The following CEP97 variants were observed in gnomAD, a reference collection of about 807,000 sequenced individuals.
The protein encoded by CEP97 is centrosomal protein 97.
Under a neutral mutation model 73.1 loss-of-function variants are expected in CEP97, and 43 were observed. The observed-to-expected ratio is 0.59, with a 90% CI of 0.46 to 0.76. The LOEUF (loss-of-function observed/expected upper bound fraction) is 0.76. CEP97 is among the 30% of genes least tolerant of loss of function. The pLI is 0.00. For missense variants in CEP97, 939 were observed against 1,014.0 expected (o/e 0.93, Z 1.00); for synonymous variants, 337 against 370.0 (o/e 0.91, Z 1.02).
chr3:101,740,882 C>T (rs1372747626), intron 6 of CEP97, among the ~76,000 whole-genome samples: 3 of 152,224 alleles, frequency 2.0e-5, no homozygotes, highest in Non-Finnish European at 4.4e-5. Flanking sequence ...AGCCAGCGCA[C>T]CCGGTCCCAT....
chr3:101,744,178 G>A, intron 6 of CEP97, among the ~76,000 whole-genome samples: 1 of 151,948 alleles, frequency 6.6e-6, no homozygotes, highest in East Asian at 1.9e-4. Flanking sequence ...CATGTATACT[G>A]TATAGAAATA....
At chr3:101,729,017 C>G (rs1000646427) in intron 4 of CEP97, 80 bp downstream of exon 4, 1 of 821,812 alleles carries the variant, frequency 1.2e-6, no homozygotes, top group Non-Finnish European at 2.1e-6. Flanking sequence ...CTAAAATTAG[C>G]CTGCTTTGTA....
intron 9 of CEP97, among the ~76,000 whole-genome samples, chr3:101,759,780 T>C (rs899331646): frequency 2.6e-5 from 4 of 151,874 alleles, no homozygotes; most frequent in African/African-American, 9.7e-5. Context: ...TTCAGTGGTG[T>C]AGAGGGATGA....
chr3:101,730,281 GT>G (rs1553787390), intron 4 of CEP97, among the ~76,000 whole-genome samples: 1 of 140,310 alleles, frequency 7.1e-6, no homozygotes, highest in African/African-American at 2.7e-5. Context: ...GTTTTGTTTT[GT>G]TGAGACGGAG....
chr3:101,744,343 G>A (rs1272783501), intron 6 of CEP97, among the ~76,000 whole-genome samples: 1 of 152,078 alleles, frequency 6.6e-6, no homozygotes, highest in Non-Finnish European at 1.5e-5. Context: ...TAGCACTTTG[G>A]GAGGCCAAGG....
rs1193932639 is a variant in CEP97 at position 101,768,290 on chromosome 3, A to C, written c.*2739A>C. On this transcript the variant is annotated 3_prime_UTR_variant, in exon 11 of 11. Coordinates refer to ENST00000341893, the MANE Select transcript of CEP97 (RefSeq NM_024548.4). ...TTAGTAGTAAATAAACTGAAAACCTATATGCTACTGTAGTCCAAAATTTTA... is the reference window on the plus strand; with the variant it reads ...TTAGTAGTAAATAAACTGAAAACCTCTATGCTACTGTAGTCCAAAATTTTA... 2.6e-5 allele frequency: 4 copies of C among 152,236 alleles called. No homozygotes were observed. In the South Asian group the frequency reaches 8.3e-4, roughly 31 times the overall value. The allele number at this position is 152,236 out of a possible 1,614,324, so 9.4% of individuals were successfully genotyped here.
chr3:101,759,867 G>T (rs1455221900), intron 9 of CEP97, among the ~76,000 whole-genome samples: 1 of 152,076 alleles, frequency 6.6e-6, no homozygotes, highest in Non-Finnish European at 1.5e-5. Flanking sequence ...TTCTTGGAAA[G>T]AGTTGTTTTG....
At chr3:101,734,543 A>G (rs1437374189) in intron 6 of CEP97, among the ~76,000 whole-genome samples, 1 of 152,018 alleles carries the variant, frequency 6.6e-6, no homozygotes, top group Non-Finnish European at 1.5e-5. Context: ...GCTGTTTTGT[A>G]TAGTTTCTGA....
Position 101,764,885 on chromosome 3 carries a change from G to A in CEP97, c.1932G>A (p.Gln644=). 2 of 1,613,412 alleles carry A rather than the reference G, an allele frequency of 1.2e-6. No homozygotes were observed. The highest frequency in any genetic ancestry group is 1.7e-6 in the Non-Finnish European group (2 of 1,179,738). The change falls in exon 11 of 11, where the codon CAG becomes CAA. Residue 644 remains glutamine (Q), a synonymous_variant. Coordinates refer to ENST00000341893, the MANE Select transcript of CEP97 (RefSeq NM_024548.4). The part of the protein sequence containing the change: ...SLQVWQQTVD[Q]RLSSWHTDVP... ...AGGTTTGGCAACAGACAGTGGACCA[G>A]CGTCTAAGTTCCTGGCATACTGATG...
intron 9 of CEP97, among the ~76,000 whole-genome samples, chr3:101,761,843 C>T (rs1302516916): frequency 6.6e-6 from 1 of 152,092 alleles, no homozygotes. Flanking sequence ...GATAATGGAT[C>T]ACTAAAGGAG....
Position 101,769,360 on chromosome 3 carries a change from T to C in CEP97, c.*3809T>C, listed in dbSNP as rs971450740. The C allele has an allele frequency of 1.3e-5, 2 of 151,356 alleles. No homozygotes were observed. The highest frequency in any genetic ancestry group is 4.9e-5 in the African/African-American group (2 of 41,164). The allele number at this position is 151,356 out of a possible 1,614,324, so 9.4% of individuals were successfully genotyped here. On this transcript the variant is annotated 3_prime_UTR_variant, in exon 11 of 11. Transcript: ENST00000341893. ...TTTTTTTTTCGAGATAGAGTTTCAC[T>C]GTTGTCACCCAGGCTGGTCTCAGCT... is the stretch of plus-strand genomic sequence containing the variant.
chr3:101,730,746 A>T (rs1170226443), intron 4 of CEP97, among the ~76,000 whole-genome samples: 1 of 152,146 alleles, frequency 6.6e-6, no homozygotes, highest in Non-Finnish European at 1.5e-5. Flanking sequence ...GTCTTGAAAA[A>T]CATGTAGAAC....
In CEP97 at chr3:101,727,470, A is replaced by T; in HGVS notation, c.274A>T (p.Ile92Phe). Residue 92 changes from isoleucine to phenylalanine, a missense_variant, in exon 3 of 11, where the codon ATT becomes TTT. Physicochemically the swap from Ile to Phe is conservative, Grantham distance 21. Coordinates refer to ENST00000341893, the MANE Select transcript of CEP97 (RefSeq NM_024548.4). The part of the protein sequence containing the change: ...LRVLNLPHNS[I>F]GCVEGLKELV... ...TGTATTAAATTTGCCTCATAATAGC[A>T]TTGGCTGTGTGGAAGGGCTAAAGGA... 6.2e-7 allele frequency: 1 copy of T among 1,613,992 alleles called. No individual in the cohort carries two copies.
intron 6 of CEP97, among the ~76,000 whole-genome samples, chr3:101,733,821 C>T (rs1260215123): frequency 1.3e-5 from 2 of 151,612 alleles, no homozygotes; most frequent in African/African-American, 4.9e-5. Context: ...TGAGCCACCG[C>T]GCCCAGCCTT....
intron 6 of CEP97, among the ~76,000 whole-genome samples, chr3:101,735,676 G>A (rs1447777779): frequency 6.6e-6 from 1 of 152,158 alleles, no homozygotes. Flanking sequence ...CAGAAACTAC[G>A]CTTTTCCCAT....
intron 6 of CEP97, among the ~76,000 whole-genome samples, chr3:101,754,353 T>G (rs1454397646): frequency 6.6e-6 from 1 of 152,222 alleles, no homozygotes; most frequent in African/African-American, 2.4e-5. Context: ...TAAAAAAAAT[T>G]AACCAAGTGC....
intron 6 of CEP97, among the ~76,000 whole-genome samples, chr3:101,733,525 T>G (rs976968668): frequency 6.6e-6 from 1 of 151,856 alleles, no homozygotes; most frequent in African/African-American, 2.4e-5. Context: ...TTTTTTTTTA[T>G]TTTTTTATTT....
At position 101,726,601 on chromosome 3, in the gene CEP97, G is replaced by A; in HGVS notation, c.51G>A (p.Val17=). The A allele has an allele frequency of 6.3e-7, 1 of 1,582,474 alleles. No individual in the cohort carries two copies. The highest frequency in any genetic ancestry group is 8.6e-7 in the Non-Finnish European group (1 of 1,169,152). Residue 17 remains valine, a synonymous_variant, in exon 2 of 11, where the codon GTG becomes GTA. Coordinates refer to ENST00000341893, the MANE Select transcript of CEP97 (RefSeq NM_024548.4). ...TTTCCGTTTCTTTTCAAGGATCAGT[G>A]GTCAATTGGTCAGGACAGGGACTAC... ...DAALPPGEGS[V]VNWSGQGLQK... is the part of the protein sequence containing the mutation.
At chr3:101,755,350 CAAGG>C in intron 6 of CEP97, 76 bp from the exon 7 acceptor site, 1 of 1,240,108 alleles carries the variant, frequency 8.1e-7, no homozygotes, top group Non-Finnish European at 1.2e-6. Context: ...GGTAAGTTAA[CAAGG>C]AAGATCATTG....
Sources: gnomAD v4.1 joint callset for allele counts (sites outside exome capture counted in the v4.1 genomes callset) on GRCh38, gnomAD v4.1.1 for gene constraint, MANE v1.5 for transcripts, NCBI Gene and HGNC (gene_info 2026-07-23, HGNC 2026-07-21) for gene names.